The following PCDHA1 variants were observed in gnomAD, a reference collection of about 807,000 sequenced individuals.
The protein encoded by PCDHA1 is protocadherin alpha 1, also known as protocadherin alpha-1.
PCDHA1 carries 42 observed loss-of-function variants against 61.3 expected under a neutral mutation model. The observed-to-expected ratio is 0.69, with a 90% CI of 0.54 to 0.89. The LOEUF (loss-of-function observed/expected upper bound fraction) is 0.89. Among genes scored for constraint, PCDHA1 ranks in the 40% least tolerant of loss-of-function variants. PCDHA1 has a pLI of 0.00. For missense variants in PCDHA1, 1,256 were observed against 1,235.3 expected, an observed-to-expected ratio of 1.02 and a Z score of -0.25; for synonymous variants, 610 against 553.8, an observed-to-expected ratio of 1.10 and a Z score of -1.43.
At chr5:140,968,288 C>A in intron 1 of PCDHA1, 1 of 1,613,976 alleles carries the variant, frequency 6.2e-7, no homozygotes, top group Non-Finnish European at 8.5e-7. Context: ...GACCTACTCC[C>A]TTCTGGAGAG....
intron 1 of PCDHA1, chr5:140,850,998 C>T (rs1333674670): frequency 6.9e-7 from 1 of 1,440,098 alleles, no homozygotes; most frequent in Non-Finnish European, 9.2e-7. Context: ...TCTAGAAATC[C>T]AGCAGATTTT....
At chr5:140,966,425 G>A in intron 1 of PCDHA1, 1 of 421,678 alleles carries the variant, frequency 2.4e-6, no homozygotes, top group South Asian at 9.9e-5. Flanking sequence ...GACTTGCTGA[G>A]CCCTCCTACC....
chr5:140,786,646 T>A lies in PCDHA1; in HGVS notation c.356T>A (p.Val119Glu). The A allele has an allele frequency of 6.2e-7, 1 of 1,614,236 alleles. No individual in the cohort carries two copies. The change falls in exon 1 of 4, where the codon GTG (valine) becomes GAG (glutamate). Residue 119 changes from valine to glutamate, a missense_variant. Physicochemically the swap from Val to Glu is moderately radical, Grantham distance 121 (BLOSUM62 -2). Coordinates refer to ENST00000504120, the MANE Select transcript of PCDHA1 (RefSeq NM_018900.4). ...GACAGGCCGCTGCAGGTTTTCCATG[T>A]GGAGGTGAAGGTGAAAGACATTAAC... ...IADRPLQVFHVEVKVKDINDN... is the reference protein window; with the variant it reads ...IADRPLQVFHEEVKVKDINDN...
intron 1 of PCDHA1, chr5:140,852,609 A>G (rs1581283750): frequency 2.1e-6 from 2 of 936,558 alleles, no homozygotes; most frequent in East Asian, 1.1e-4. Context: ...TTTTCTTTCA[A>G]AACTTGAGTG....
intron 1 of PCDHA1, chr5:140,842,198 T>A: frequency 6.2e-7 from 1 of 1,613,764 alleles, no homozygotes. Flanking sequence ...TATTGACCAC[T>A]TTAGCATAGA....
chr5:141,006,274 C>T (rs565885323), intron 3 of PCDHA1, among the ~76,000 whole-genome samples: 13 of 152,026 alleles, frequency 8.6e-5, no homozygotes, highest in African/African-American at 2.9e-4. Context: ...TGCAGTGGCA[C>T]GATCTCAGCT....
At chr5:140,803,246 C>G (rs1554122670) in intron 1 of PCDHA1, 3 of 1,613,836 alleles carry the variant, frequency 1.9e-6, no homozygotes. Flanking sequence ...CCCAGGCGTC[C>G]GCTGGCGCCA....
At chr5:140,966,914 G>C in intron 1 of PCDHA1, 2 of 1,602,270 alleles carry the variant, frequency 1.2e-6, no homozygotes, top group Non-Finnish European at 1.7e-6. Flanking sequence ...CTCTGTGCCA[G>C]AGGAGCAGGC....
At chr5:140,918,640 G>C (rs2078789038) in intron 1 of PCDHA1, among the ~76,000 whole-genome samples, 1 of 152,132 alleles carries the variant, frequency 6.6e-6, no homozygotes, top group Admixed American at 6.5e-5. Flanking sequence ...TTCATAAATT[G>C]AAACCTAATT....
At chr5:140,869,471 T>A in intron 1 of PCDHA1, 1 of 1,613,696 alleles carries the variant, frequency 6.2e-7, no homozygotes, top group East Asian at 2.2e-5. Context: ...AACGTGGAGG[T>A]GAAGGACATT....
rs200436467 is a variant in PCDHA1 at position 140,883,790 on chromosome 5, G to A, written c.2394+95106G>A. 640 of 1,612,406 alleles carry A rather than the reference G, an allele frequency of 4.0e-4. No individual in the cohort carries two copies. The highest frequency in any genetic ancestry group is 5.2e-4 in the Non-Finnish European group (616 of 1,179,760). ...GGGCGAGCGTGCGCTGTCGAGCTAC[G>A]TGTCGGTGCACGCGGAGAGCGGCAA... is the stretch of plus-strand genomic sequence containing the variant. On this transcript the variant is annotated intron_variant, in intron 1 of 3. Transcript: ENST00000504120.
chr5:140,891,009 A>G (rs2062900955), intron 1 of PCDHA1, among the ~76,000 whole-genome samples: 1 of 151,934 alleles, frequency 6.6e-6, no homozygotes, highest in South Asian at 2.1e-4. Flanking sequence ...ATTGAAAAGC[A>G]TTTTTTCTGA....
Position 140,850,922 on chromosome 5 carries a change from A to G in PCDHA1, c.2394+62238A>G, listed in dbSNP as rs1228404686. 21 of 1,525,242 alleles carry G rather than the reference A, an allele frequency of 1.4e-5. 3 individuals are homozygous for G. Among genetic ancestry groups the G allele is most frequent in the Non-Finnish European group, 1.9e-5 (21 of 1,134,594 alleles). The allele number at this position is 1,525,242 out of a possible 1,614,324, so 94.5% of individuals were successfully genotyped here. A position where few individuals can be genotyped will look rare whatever the true frequency, so the allele number is the denominator to read the frequency against. ...TTTCTAGCATTTTATTTATTTATATAATTTTTTTTCTTGAAAGATATTATC... is the reference window on the plus strand; with the variant it reads ...TTTCTAGCATTTTATTTATTTATATGATTTTTTTTCTTGAAAGATATTATC... On this transcript the variant is annotated intron_variant, in intron 1 of 3. Transcript: ENST00000504120.
At chr5:140,843,564 G>A in intron 1 of PCDHA1, 1 of 1,595,922 alleles carries the variant, frequency 6.3e-7, no homozygotes, top group Non-Finnish European at 8.6e-7. Flanking sequence ...GTGGGGAGCT[G>A]GTCATACTCG....
chr5:140,858,459 TC>T, intron 1 of PCDHA1: 5 of 1,527,032 alleles, frequency 3.3e-6, no homozygotes, highest in Non-Finnish European at 4.4e-6. Context: ...GTTTTCATTT[TC>T]CTTTTGTGCT....
chr5:140,843,354 C>G, intron 1 of PCDHA1: 1 of 1,596,098 alleles, frequency 6.3e-7, no homozygotes, highest in East Asian at 2.2e-5. Context: ...GCTCCAAAAG[C>G]GTCATCGAGG....
intron 1 of PCDHA1, among the ~76,000 whole-genome samples, chr5:140,910,150 T>G (rs555048323): frequency 6.6e-6 from 1 of 152,354 alleles, no homozygotes; most frequent in South Asian, 2.1e-4. Flanking sequence ...GGAAATTGAT[T>G]GAGGGGAAAT....
chr5:140,858,060 G>A lies in PCDHA1; in HGVS notation c.2394+69376G>A, dbSNP rs17844348. ...ACTGTGCTTGTGTCGCTTGTGGAGG[G>A]CAGCCAGGCACCCAAGGCCTCGTCG... On this transcript the variant is annotated intron_variant, in intron 1 of 3. Transcript: ENST00000504120. The A allele has an allele frequency of 4.3e-4, 686 of 1,597,590 alleles. 15 individuals are homozygous for A. In the East Asian group the frequency reaches 0.015, roughly 34 times the overall value.
intron 1 of PCDHA1, among the ~76,000 whole-genome samples, chr5:140,846,373 C>CTTTTTTTTTTTTTTTTT (rs374699051): frequency 1.8e-5 from 1 of 55,150 alleles, no homozygotes. Flanking sequence ...TTCTTTCTTT[C>CTTTTTTTTTTTTTTTTT]TTTTTTTTTT....
Sources: allele counts gnomAD v4.1 joint callset (sites outside exome capture counted in the v4.1 genomes callset), GRCh38; gene constraint gnomAD v4.1.1; transcripts MANE v1.5; gene names NCBI Gene and HGNC (gene_info 2026-07-23, HGNC 2026-07-21).